The following MGAT4C variants were observed in gnomAD, a reference collection of about 807,000 sequenced individuals.
The protein encoded by MGAT4C is MGAT4 family member C, also known as alpha-1,3-mannosyl-glycoprotein 4-beta-N-acetylglucosaminyltransferase C.
In MGAT4C, 19 loss-of-function variants were observed where a neutral mutation model predicts 40.1. The ratio of observed to expected loss-of-function variants is 0.47; its 90% CI spans 0.33 to 0.70. The LOEUF (loss-of-function observed/expected upper bound fraction) is 0.70. MGAT4C is among the 30% of genes least tolerant of loss of function. The pLI is 0.02. For synonymous variants in MGAT4C, 181 were observed against 187.1 expected (o/e 0.97, Z 0.27); for missense variants, 491 against 563.2 (o/e 0.87, Z 1.30).
At chr12:86,441,291 G>A (rs896859645) in intron 2 of MGAT4C, among the ~76,000 whole-genome samples, 4 of 151,540 alleles carry the variant, frequency 2.6e-5, no homozygotes, top group Non-Finnish European at 1.5e-5. Flanking sequence ...CAACAAAATA[G>A]AGAATTCAGA....
At position 85,978,537 on chromosome 12, in the gene MGAT4C, T is replaced by C. The variant is rs774012894; in HGVS notation, c.*752A>G. 1.3e-5 allele frequency: 2 copies of C among 151,986 alleles called. No individual in the cohort carries two copies. The highest frequency in any genetic ancestry group is 3.0e-5 in the Non-Finnish European group (2 of 67,618). 9.4% of individuals were successfully genotyped at this position (151,986 alleles called of 1,614,324 possible). A position where few individuals can be genotyped will look rare whatever the true frequency, so the allele number is the denominator to read the frequency against. On this transcript the variant is annotated 3_prime_UTR_variant, in exon 5 of 5. Coordinates refer to ENST00000611864, the MANE Select transcript of MGAT4C (RefSeq NM_001351288.2). ...GCCTTCCCTAATTTATTCTATTAAA[T>C]GTGGGTACTCAATGTAACCTGAAAA...
chr12:86,670,151 A>T (rs1964216772), intron 2 of MGAT4C, among the ~76,000 whole-genome samples: 1 of 152,170 alleles, frequency 6.6e-6, no homozygotes, highest in South Asian at 2.1e-4. Context: ...TCATTAAAAA[A>T]CTGAGTGTAG....
chr12:86,674,171 G>A (rs1964333249), intron 2 of MGAT4C, among the ~76,000 whole-genome samples: 1 of 152,004 alleles, frequency 6.6e-6, no homozygotes, highest in South Asian at 2.1e-4. Flanking sequence ...TACAAAAATT[G>A]ATGAGCTATT....
intron 2 of MGAT4C, among the ~76,000 whole-genome samples, chr12:86,517,213 G>A (rs79336549): frequency 0.023 from 3,513 of 152,126 alleles, 119 homozygotes; most frequent in African/African-American, 0.08. Context: ...TAGTGGTGAT[G>A]GCCACACAGT....
At position 86,015,929 on chromosome 12, in the gene MGAT4C, T is replaced by C. The variant is rs541178406; in HGVS notation, c.-6-26377A>G. On this transcript the variant is annotated intron_variant, in intron 2 of 4. Coordinates refer to ENST00000611864, the MANE Select transcript of MGAT4C (RefSeq NM_001351288.2). ...TAGTAAGTATACAATTCCAAATAAA[T>C]GGGCTACATTGCTTTCTCATGCACA... The C allele has an allele frequency of 4.6e-5, 7 of 152,276 alleles. No individual in the cohort carries two copies. In the South Asian group the frequency reaches 1.4e-3, roughly 32 times the overall value. The allele number at this position is 152,276 out of a possible 1,614,324, so 9.4% of individuals were successfully genotyped here.
chr12:86,119,998 T>G (rs934834776), intron 1 of MGAT4C, among the ~76,000 whole-genome samples: 1 of 151,858 alleles, frequency 6.6e-6, no homozygotes, highest in African/African-American at 2.4e-5. Context: ...ATTGCTCACA[T>G]TATTCAAATC....
intron 1 of MGAT4C, among the ~76,000 whole-genome samples, chr12:86,834,588 C>T (rs1413165838): frequency 3.4e-5 from 5 of 149,246 alleles, no homozygotes; most frequent in African/African-American, 1.2e-4. Context: ...ATGATGATTA[C>T]CTACTGTCTA....
At chr12:86,488,728 A>G (rs1592908186) in intron 2 of MGAT4C, among the ~76,000 whole-genome samples, 1 of 152,214 alleles carries the variant, frequency 6.6e-6, no homozygotes, top group South Asian at 2.1e-4. Context: ...ACTTTCAAGC[A>G]TAACAGTCCT....
chr12:86,387,169 T>C (rs1335809789), intron 3 of MGAT4C, among the ~76,000 whole-genome samples: 2 of 152,144 alleles, frequency 1.3e-5, no homozygotes, highest in Non-Finnish European at 2.9e-5. Flanking sequence ...TTAATTCCTT[T>C]ATGTCTTCAT....
At chr12:86,300,252 T>C (rs990905326) in intron 4 of MGAT4C, among the ~76,000 whole-genome samples, 1 of 152,174 alleles carries the variant, frequency 6.6e-6, no homozygotes, top group African/African-American at 2.4e-5. Flanking sequence ...ATGCAGGTCA[T>C]CAAAAATACC....
chr12:86,046,797 G>A (rs1031624539), intron 2 of MGAT4C, among the ~76,000 whole-genome samples: 3 of 152,124 alleles, frequency 2.0e-5, no homozygotes, highest in Non-Finnish European at 2.9e-5. Flanking sequence ...GCTACATGAT[G>A]TTTGATATCA....
intron 1 of MGAT4C, among the ~76,000 whole-genome samples, chr12:86,835,853 C>T (rs1321091397): frequency 6.6e-6 from 1 of 151,606 alleles, no homozygotes; most frequent in African/African-American, 2.4e-5. Context: ...CAAAACCCCC[C>T]TCCACACACA....
intron 1 of MGAT4C, among the ~76,000 whole-genome samples, chr12:86,815,857 T>TG (rs572925380): frequency 4.4e-5 from 5 of 113,106 alleles, no homozygotes; most frequent in Middle Eastern, 4.8e-3. Context: ...GGAAGAGTGG[T>TG]GGGGGGGCAA....
intron 1 of MGAT4C, among the ~76,000 whole-genome samples, chr12:86,179,438 T>C (rs762451185): frequency 1.3e-5 from 2 of 152,072 alleles, no homozygotes; most frequent in Admixed American, 1.3e-4. Flanking sequence ...TGGAACTGGG[T>C]AATAGGCAGA....
At chr12:86,817,200 T>G (rs957115226) in intron 1 of MGAT4C, among the ~76,000 whole-genome samples, 15 of 151,376 alleles carry the variant, frequency 9.9e-5, no homozygotes, top group African/African-American at 3.6e-4. Context: ...TTGTTGAATT[T>G]AATACTTTTG....
At chr12:86,522,511 G>A (rs773974218) in intron 2 of MGAT4C, among the ~76,000 whole-genome samples, 1 of 151,840 alleles carries the variant, frequency 6.6e-6, no homozygotes, top group East Asian at 1.9e-4. Flanking sequence ...GCCAGAATCT[G>A]AGGATGTTTG....
chr12:86,497,332 T>G (rs1485326039), intron 2 of MGAT4C, among the ~76,000 whole-genome samples: 2 of 152,028 alleles, frequency 1.3e-5, no homozygotes, highest in African/African-American at 4.8e-5. Context: ...TAAAGCAGCG[T>G]TTTTGATGCT....
chr12:86,077,383 T>A (rs1035826445), intron 1 of MGAT4C, among the ~76,000 whole-genome samples: 2 of 152,200 alleles, frequency 1.3e-5, no homozygotes, highest in African/African-American at 4.8e-5. Context: ...TAAATGCTGA[T>A]GTGAAGTCAA....
rs1035922415 is a variant in MGAT4C at position 85,970,351 on chromosome 12, G to A, written c.*8938C>T. Reference sequence around the variant, plus strand: ...TCAAATGGTAAATTTTGAATCATCTGGTAAAAATGGACAAAATTTAGTTTT... The same window carrying A: ...TCAAATGGTAAATTTTGAATCATCTAGTAAAAATGGACAAAATTTAGTTTT... On this transcript the variant is annotated 3_prime_UTR_variant, in exon 5 of 5. Coordinates refer to ENST00000611864, the MANE Select transcript of MGAT4C (RefSeq NM_001351288.2). The A allele has an allele frequency of 1.3e-5, 2 of 151,074 alleles. No homozygotes were observed. The highest frequency in any genetic ancestry group is 4.8e-5 in the African/African-American group (2 of 41,298). The allele number at this position is 151,074 out of a possible 1,614,324, so 9.4% of individuals were successfully genotyped here. A position where few individuals can be genotyped will look rare whatever the true frequency, so the allele number is the denominator to read the frequency against.
Sources: allele counts gnomAD v4.1 joint callset (sites outside exome capture counted in the v4.1 genomes callset), GRCh38; gene constraint gnomAD v4.1.1; transcripts MANE v1.5; gene names NCBI Gene and HGNC (gene_info 2026-07-23, HGNC 2026-07-21).